The following SYNPO2 variants were observed in gnomAD, a reference collection of about 807,000 sequenced individuals.
SYNPO2 encodes the protein synaptopodin 2.
A neutral mutation model predicts 85.0 loss-of-function variants in SYNPO2; 56 were observed. That is an observed-to-expected ratio of 0.66 (90% CI 0.53 to 0.82). The LOEUF is 0.82. Ranked by LOEUF, SYNPO2 falls within the 40% of genes least tolerant of loss-of-function variation. The pLI, the probability that SYNPO2 is intolerant of heterozygous loss-of-function variation, is 0.00. For synonymous variants in SYNPO2, 602 were observed against 591.1 expected (o/e 1.02, Z -0.27); for missense variants, 1,575 against 1,534.2 (o/e 1.03, Z -0.44).
chr4:118,923,904 A>C (rs7349616), intron 1 of SYNPO2, among the ~76,000 whole-genome samples: 30,071 of 151,324 alleles, frequency 0.2, 3,149 homozygotes, highest in African/African-American at 0.26. Context: ...AAAAAAAAAA[A>C]AACCTGAGTT....
upstream of SYNPO2, among the ~76,000 whole-genome samples, chr4:118,883,992 A>G (rs1732157349): frequency 6.6e-6 from 1 of 152,210 alleles, no homozygotes; most frequent in East Asian, 1.9e-4. Context: ...TGTTTGCATC[A>G]GTTCACCTTG....
At position 118,873,490 on chromosome 4, in the gene SYNPO2, G is replaced by A. The variant is rs191303889; in HGVS notation, c.12+22550G>A. Among the ~76,000 whole-genome samples, 282 of 151,976 alleles carry A rather than the reference G, an allele frequency of 1.9e-3. 2 individuals carry two copies. The highest frequency in any genetic ancestry group is 6.3e-3 in the African/African-American group (261 of 41,480). On this transcript the variant is annotated intron_variant, in intron 1 of 4. Transcript: ENST00000610556. ...TTTTTCATATGCCTAGTGGCTATTT[G>A]TATGTCTTCTTTTGAAAAATGTCTA...
chr4:118,963,245 C>T (rs573045802), intron 1 of SYNPO2, among the ~76,000 whole-genome samples: 84 of 152,300 alleles, frequency 5.5e-4, no homozygotes, highest in African/African-American at 2.0e-3. Context: ...CCAGTAGTCT[C>T]TGTCCCACTG....
At chr4:118,956,512 G>A (rs1401431061) in intron 1 of SYNPO2, among the ~76,000 whole-genome samples, 1 of 152,128 alleles carries the variant, frequency 6.6e-6, no homozygotes, top group African/African-American at 2.4e-5. Flanking sequence ...TTTATTTTGT[G>A]AAAATCAAAA....
intron 1 of SYNPO2, among the ~76,000 whole-genome samples, chr4:119,015,155 G>T (rs1408082154): frequency 1.3e-5 from 2 of 152,200 alleles, no homozygotes; most frequent in African/African-American, 2.4e-5. Context: ...TGGAGGGAAT[G>T]CCTTCATTCT....
chr4:118,916,729 C>CTTTCT (rs1733339284), intron 1 of SYNPO2, among the ~76,000 whole-genome samples: 1 of 117,040 alleles, frequency 8.5e-6, no homozygotes, highest in African/African-American at 3.2e-5. Flanking sequence ...ATTTTTCTTT[C>CTTTCT]TTTTTTTTTT....
chr4:119,056,503 G>C, intron 4 of SYNPO2, among the ~76,000 whole-genome samples: 1 of 152,256 alleles, frequency 6.6e-6, no homozygotes, highest in South Asian at 2.1e-4. Context: ...GCTGCAGTGA[G>C]CCATGATCAT....
chr4:119,045,828 A>G (rs1351617287), intron 4 of SYNPO2, among the ~76,000 whole-genome samples: 1 of 152,236 alleles, frequency 6.6e-6, no homozygotes, highest in Non-Finnish European at 1.5e-5. Context: ...TAATACAAGT[A>G]TTGTCACAGG....
At chr4:118,989,250 T>A (rs1454542955) in intron 1 of SYNPO2, among the ~76,000 whole-genome samples, 2 of 152,210 alleles carry the variant, frequency 1.3e-5, no homozygotes, top group East Asian at 1.9e-4. Flanking sequence ...CTCATGATTA[T>A]GCCTGTGGGA....
At chr4:118,938,242 C>T (rs1734180412) in intron 1 of SYNPO2, among the ~76,000 whole-genome samples, 2 of 152,104 alleles carry the variant, frequency 1.3e-5, no homozygotes, top group African/African-American at 2.4e-5. Flanking sequence ...TTGCTTGAAC[C>T]CGGGAAGTGG....
At chr4:118,942,952 C>A (rs1734367356) in intron 1 of SYNPO2, among the ~76,000 whole-genome samples, 1 of 147,364 alleles carries the variant, frequency 6.8e-6, no homozygotes, top group South Asian at 2.2e-4. Context: ...ACTAAAGATA[C>A]AAAAATTAGC....
chr4:118,906,521 T>C (rs960316537), intron 1 of SYNPO2, among the ~76,000 whole-genome samples: 5 of 152,210 alleles, frequency 3.3e-5, no homozygotes, highest in Non-Finnish European at 7.3e-5. Flanking sequence ...ATTAGAGCTA[T>C]TTTAAATCAA....
chr4:118,928,228 A>C (rs1733802487), intron 1 of SYNPO2, among the ~76,000 whole-genome samples: 2 of 152,188 alleles, frequency 1.3e-5, no homozygotes, highest in Admixed American at 1.3e-4. Context: ...TTATGGCAAG[A>C]GGTTTGTTTG....
At position 119,056,127 on chromosome 4, in the gene SYNPO2, C is replaced by G. The variant is rs574640917; in HGVS notation, c.3253-1274C>G. Among the ~76,000 whole-genome samples, 12 of 152,224 alleles carry G rather than the reference C, an allele frequency of 7.9e-5. No homozygotes were observed. In the South Asian group the frequency reaches 1.0e-3, roughly 13 times the overall value. ...AGGTGTACCCTTTCTGCGTTTTTGC[C>G]AAGAGCTTATCTCACACAGCCTCAT... On this transcript the variant is annotated intron_variant, in intron 4 of 4. Transcript: ENST00000307142.
Position 118,889,258 on chromosome 4 carries a change from G to T in SYNPO2, c.105+117G>T, listed in dbSNP as rs559181171. ...TCTAAGTATTATTTGATTTTGCTGC[G>T]GATATTAAGATTTTTCTAGGAAGTG... is the stretch of plus-strand genomic sequence containing the variant. On this transcript the variant is annotated intron_variant, in intron 1 of 4. Coordinates refer to ENST00000307142, the MANE Select transcript of SYNPO2 (RefSeq NM_133477.3). The T allele has an allele frequency of 2.8e-5, 27 of 969,498 alleles. No individual in the cohort carries two copies. In the East Asian group the frequency reaches 7.4e-4, roughly 27 times the overall value. 60.1% of individuals were successfully genotyped at this position (969,498 alleles called of 1,614,324 possible). A position where few individuals can be genotyped will look rare whatever the true frequency, so the allele number is the denominator to read the frequency against.
chr4:119,023,280 G>T, intron 1 of SYNPO2, 150 bp from the exon 2 acceptor site: 2 of 680,804 alleles, frequency 2.9e-6, no homozygotes, highest in Non-Finnish European at 4.8e-6. Context: ...TCATAAGGTG[G>T]TAAGAAGTAT....
chr4:119,035,517 A>T (rs1231986745), intron 4 of SYNPO2: 4 of 985,304 alleles, frequency 4.1e-6, no homozygotes, highest in Non-Finnish European at 4.8e-6. Context: ...TGTAAGACAC[A>T]TTTGGGTTGT....
intron 1 of SYNPO2, among the ~76,000 whole-genome samples, chr4:119,014,845 GTTT>G (rs1228543970): frequency 6.6e-6 from 1 of 152,170 alleles, no homozygotes; most frequent in Non-Finnish European, 1.5e-5. Flanking sequence ...GCACCAGACA[GTTT>G]TTTTGTCAAT....
chr4:119,040,017 C>T (rs575005879), intron 4 of SYNPO2, among the ~76,000 whole-genome samples: 2 of 152,258 alleles, frequency 1.3e-5, no homozygotes, highest in South Asian at 2.1e-4. Flanking sequence ...AGGATTCAGT[C>T]GCCCTGTGCT....
Sources: gnomAD v4.1 joint callset for allele counts (sites outside exome capture counted in the v4.1 genomes callset) on GRCh38, gnomAD v4.1.1 for gene constraint, MANE v1.5 for transcripts, NCBI Gene and HGNC (gene_info 2026-07-23, HGNC 2026-07-21) for gene names.